NDE1: variants seen among roughly 807,000 people sequenced by gnomAD.
The protein encoded by NDE1 is nuclear distribution protein nudE homolog 1.
In NDE1, 28 loss-of-function variants were observed where a neutral mutation model predicts 43.4. The observed-to-expected ratio is 0.65, with a 90% CI of 0.48 to 0.89. NDE1 has a LOEUF of 0.89. Among genes scored for constraint, NDE1 ranks in the 40% least tolerant of loss-of-function variants. The pLI is 0.00. For synonymous variants in NDE1, 184 were observed against 172.0 expected (o/e 1.07, Z -0.55); for missense variants, 441 against 434.1 (o/e 1.02, Z -0.14).
intron 1 of NDE1, among the ~76,000 whole-genome samples, chr16:15,650,839 C>G (rs552762421): frequency 7.4e-4 from 113 of 152,304 alleles, no homozygotes; most frequent in Admixed American, 1.6e-3. Context: ...CTCACACCCA[C>G]TGTCCCGCCC....
At chr16:15,687,797 C>T (rs1453658935) in intron 5 of NDE1, among the ~76,000 whole-genome samples, 1 of 152,242 alleles carries the variant, frequency 6.6e-6, no homozygotes, top group Non-Finnish European at 1.5e-5. Flanking sequence ...GATTCTGCCT[C>T]TGGGCAGCAG....
intron 3 of NDE1, among the ~76,000 whole-genome samples, 182 bp downstream of exon 3, chr16:15,667,621 C>CTTT (rs1457249746): frequency 1.8e-5 from 2 of 113,258 alleles, no homozygotes; most frequent in Admixed American, 1.0e-4. Context: ...GTGGGTGGTG[C>CTTT]TTTTTGTTTT....
At chr16:15,707,875 G>A (rs987499017) in intron 8 of NDE1, among the ~76,000 whole-genome samples, 2 of 151,568 alleles carry the variant, frequency 1.3e-5, no homozygotes, top group Non-Finnish European at 2.9e-5. Flanking sequence ...AGAAGGCTGA[G>A]GTAGGAGAAT....
chr16:15,672,526 T>C (rs754518978), intron 3 of NDE1: 4 of 152,236 alleles, frequency 2.6e-5, no homozygotes, highest in Non-Finnish European at 4.4e-5. Flanking sequence ...TATATTCAGC[T>C]GGGCCGGACT....
chr16:15,659,444 T>TG (rs2036935424), intron 1 of NDE1, among the ~76,000 whole-genome samples: 2 of 136,120 alleles, frequency 1.5e-5, no homozygotes, highest in Admixed American at 1.5e-4. Flanking sequence ...TTTTTTTTTT[T>TG]TTTTTTTTTT....
chr16:15,704,976 GC>G, intron 8 of NDE1, among the ~76,000 whole-genome samples: 1 of 152,274 alleles, frequency 6.6e-6, no homozygotes, highest in Non-Finnish European at 1.5e-5. Flanking sequence ...ACCACACCTG[GC>G]CTTCAAGGTG....
chr16:15,647,927 G>T (rs892739842), upstream of NDE1, among the ~76,000 whole-genome samples: 1 of 151,844 alleles, frequency 6.6e-6, no homozygotes, highest in African/African-American at 2.4e-5. Context: ...TAGCTACTCC[G>T]GAGGATGAGG....
intron 3 of NDE1, among the ~76,000 whole-genome samples, chr16:15,668,795 C>T (rs1397444104): frequency 6.6e-6 from 1 of 152,208 alleles, no homozygotes; most frequent in Admixed American, 6.6e-5. Context: ...GTGTGTTGCA[C>T]TCTGCCAGTT....
upstream of NDE1, among the ~76,000 whole-genome samples, chr16:15,645,506 G>C (rs2036314426): frequency 6.6e-6 from 1 of 152,144 alleles, no homozygotes; most frequent in Non-Finnish European, 1.5e-5. Flanking sequence ...GTATTAAGTG[G>C]AAGGCTAATA....
At position 15,688,689 on chromosome 16, in the gene NDE1, C is replaced by CTTTTTTTTTTTTTTTTTTTTTTTTTT. The variant is rs1194565114; in HGVS notation, c.523+1180_523+1205dup. 8.3e-5 allele frequency among the ~76,000 whole-genome samples: 5 copies of CTTTTTTTTTTTTTTTTTTTTTTTTTT among 59,990 alleles called. 1 individual carries two copies. Among genetic ancestry groups the CTTTTTTTTTTTTTTTTTTTTTTTTTT allele is most frequent in the Non-Finnish European group, 1.5e-4 (5 of 33,866 alleles). The allele number at this position is 59,990 out of a possible 152,430, so 39.4% of individuals were successfully genotyped here. A position where few individuals can be genotyped will look rare whatever the true frequency, so the allele number is the denominator to read the frequency against. On this transcript the variant is annotated intron_variant, in intron 5 of 8. Coordinates refer to ENST00000396354, the MANE Select transcript of NDE1 (RefSeq NM_017668.3). ...AGTGGATTGTCCAAGTTGTTTTTAC[C>CTTTTTTTTTTTTTTTTTTTTTTTTTT]TTTTTTTTTTTTTTTTTTTTTTTTT...
intron 8 of NDE1, chr16:15,699,918 A>G (rs935263249): frequency 8.0e-7 from 1 of 1,251,488 alleles, no homozygotes; most frequent in Admixed American, 2.6e-5. Context: ...TTAGTTTGAG[A>G]AATAAGAGCA....
intron 8 of NDE1, among the ~76,000 whole-genome samples, chr16:15,709,989 C>A (rs567007666): frequency 2.0e-5 from 3 of 152,162 alleles, no homozygotes; most frequent in Non-Finnish European, 4.4e-5. Context: ...CACTACAGTT[C>A]CTTCTTGGCT....
Position 15,677,894 on chromosome 16 carries a change from C to A in NDE1, c.331C>A (p.Gln111Lys), listed in dbSNP as rs1172897239. ...GACCAAAGCCATTAAAGACCAATTGCAGAAATACATCAGAGAGCTGGAGCA... is the reference window on the plus strand; with the variant it reads ...GACCAAAGCCATTAAAGACCAATTGAAGAAATACATCAGAGAGCTGGAGCA... ...AQTKAIKDQLQKYIRELEQAN... is the reference protein window; with the variant it reads ...AQTKAIKDQLKKYIRELEQAN... Residue 111 changes from glutamine to lysine, a missense_variant, in exon 4 of 9, where the codon CAG becomes AAG. Coordinates refer to ENST00000396354, the MANE Select transcript of NDE1 (RefSeq NM_017668.3). 6.2e-7 allele frequency: 1 copy of A among 1,614,060 alleles called. No homozygotes were observed.
At chr16:15,719,459 G>C in intron 8 of NDE1, 1 of 1,519,616 alleles carries the variant, frequency 6.6e-7, no homozygotes, top group South Asian at 1.1e-5. Flanking sequence ...GGAAGCGTGT[G>C]TCTTTCTAGA....
intron 4 of NDE1, among the ~76,000 whole-genome samples, chr16:15,685,758 A>G: frequency 6.6e-6 from 1 of 152,142 alleles, no homozygotes; most frequent in East Asian, 1.9e-4. Context: ...AATGATACTC[A>G]GTGAGTTCTA....
At chr16:15,702,578 C>A (rs575229020) in intron 8 of NDE1, among the ~76,000 whole-genome samples, 5 of 88,936 alleles carry the variant, frequency 5.6e-5, no homozygotes, top group African/African-American at 2.6e-4. Flanking sequence ...AACAAAAAAA[C>A]ACCTTTTTTT....
At chr16:15,667,263 G>A (rs773287873) in intron 2 of NDE1, 23 bp from the exon 3 acceptor site, 1 of 1,613,766 alleles carries the variant, frequency 6.2e-7, no homozygotes, top group Non-Finnish European at 8.5e-7. Context: ...ATTACTACGT[G>A]ATGATTAACA....
At chr16:15,663,935 C>T (rs1377278934) in intron 1 of NDE1, among the ~76,000 whole-genome samples, 7 of 152,076 alleles carry the variant, frequency 4.6e-5, no homozygotes, top group East Asian at 1.9e-4. Context: ...GGCGTGGTGG[C>T]GCATGCCTGT....
At chr16:15,702,765 A>T (rs1482829250) in intron 8 of NDE1, among the ~76,000 whole-genome samples, 3 of 152,056 alleles carry the variant, frequency 2.0e-5, no homozygotes, top group African/African-American at 7.2e-5. Flanking sequence ...TTGTGTTTTA[A>T]CTCAAAAAAT....
Sources: gnomAD v4.1 joint callset for allele counts (sites outside exome capture counted in the v4.1 genomes callset) on GRCh38, gnomAD v4.1.1 for gene constraint, MANE v1.5 for transcripts, NCBI Gene and HGNC (gene_info 2026-07-23, HGNC 2026-07-21) for gene names.